The following SNTG1 variants were observed in gnomAD, a reference collection of about 807,000 sequenced individuals.
The protein encoded by SNTG1 is syntrophin gamma 1.
In SNTG1, 39 loss-of-function variants were observed where a neutral mutation model predicts 74.7. The ratio of observed to expected loss-of-function variants is 0.52; its 90% CI spans 0.40 to 0.68. The LOEUF is 0.68. Ranked by LOEUF, SNTG1 falls within the 30% of genes least tolerant of loss-of-function variation. The pLI is 0.00. For synonymous variants in SNTG1, 254 were observed against 217.1 expected (o/e 1.17, Z -1.49); for missense variants, 685 against 609.5 (o/e 1.12, Z -1.30).
intron 1 of SNTG1, among the ~76,000 whole-genome samples, chr8:50,076,101 G>A (rs203932): frequency 0.54 from 81,463 of 152,038 alleles, 24,375 homozygotes; most frequent in East Asian, 0.84. Flanking sequence ...ATCAAGCGAA[G>A]TGTAGTAAAA....
At chr8:50,548,226 A>G (rs2094401490) in intron 11 of SNTG1, among the ~76,000 whole-genome samples, 1 of 152,216 alleles carries the variant, frequency 6.6e-6, no homozygotes, top group Admixed American at 6.5e-5. Context: ...TGGAGGTCAC[A>G]GTGACAGGAA....
intron 1 of SNTG1, among the ~76,000 whole-genome samples, chr8:50,062,937 T>G (rs1439961143): frequency 6.6e-6 from 1 of 152,250 alleles, no homozygotes; most frequent in Non-Finnish European, 1.5e-5. Context: ...ATACAGAGAC[T>G]TGATTGACCA....
At chr8:49,927,885 A>AG (rs1373130936) in intron 1 of SNTG1, among the ~76,000 whole-genome samples, 1 of 151,998 alleles carries the variant, frequency 6.6e-6, no homozygotes, top group Non-Finnish European at 1.5e-5. Context: ...TGGGAGGCTG[A>AG]GGGGTCAGAT....
chr8:50,348,681 G>A (rs1177127101), intron 2 of SNTG1, among the ~76,000 whole-genome samples: 1 of 152,150 alleles, frequency 6.6e-6, no homozygotes, highest in Non-Finnish European at 1.5e-5. Flanking sequence ...TTAAAACCTT[G>A]CAAGCATATG....
chr8:50,289,431 G>A (rs1236745024), intron 2 of SNTG1, among the ~76,000 whole-genome samples: 1 of 152,100 alleles, frequency 6.6e-6, no homozygotes, highest in Non-Finnish European at 1.5e-5. Flanking sequence ...GGAAGCGTGG[G>A]GTCAGTGACT....
intron 2 of SNTG1, among the ~76,000 whole-genome samples, chr8:50,315,513 T>G (rs2090283072): frequency 6.7e-6 from 1 of 149,916 alleles, no homozygotes; most frequent in Non-Finnish European, 1.5e-5. Context: ...AATAAAATGT[T>G]AGATATAATG....
At chr8:50,568,458 T>A (rs2094528762) in intron 12 of SNTG1, among the ~76,000 whole-genome samples, 1 of 152,140 alleles carries the variant, frequency 6.6e-6, no homozygotes, top group South Asian at 2.1e-4. Flanking sequence ...ACCACTGGTG[T>A]GTGAGGGTTC....
chr8:50,572,352 T>C (rs1010167172), intron 12 of SNTG1, among the ~76,000 whole-genome samples: 4 of 152,006 alleles, frequency 2.6e-5, no homozygotes, highest in African/African-American at 9.7e-5. Context: ...ACTGAACATA[T>C]ACCCATAGAT....
chr8:50,311,865 CA>C (rs2090126921), intron 2 of SNTG1, among the ~76,000 whole-genome samples: 1 of 152,060 alleles, frequency 6.6e-6, no homozygotes, highest in Non-Finnish European at 1.5e-5. Context: ...CCAGGGTAAC[CA>C]AGTACTAGTC....
At chr8:50,100,506 G>C (rs1034447372) in intron 1 of SNTG1, among the ~76,000 whole-genome samples, 2 of 152,022 alleles carry the variant, frequency 1.3e-5, no homozygotes, top group Non-Finnish European at 2.9e-5. Context: ...TGCACTGTAT[G>C]TATCAAAACA....
At chr8:50,191,110 T>G (rs2131781325) in intron 2 of SNTG1, among the ~76,000 whole-genome samples, 1 of 152,248 alleles carries the variant, frequency 6.6e-6, no homozygotes, top group Admixed American at 6.6e-5. Context: ...TACGTAGCCT[T>G]CTGAAAGCTC....
chr8:50,323,600 C>T (rs1194582387), intron 2 of SNTG1, among the ~76,000 whole-genome samples: 1 of 152,136 alleles, frequency 6.6e-6, no homozygotes, highest in Non-Finnish European at 1.5e-5. Context: ...CAATTACCAG[C>T]CAGTGTCTTG....
chr8:50,541,779 T>C (rs1436227767), intron 11 of SNTG1, among the ~76,000 whole-genome samples: 3 of 151,994 alleles, frequency 2.0e-5, no homozygotes, highest in African/African-American at 7.2e-5. Context: ...CTATACTATA[T>C]ATTTGTGTTC....
intron 17 of SNTG1, among the ~76,000 whole-genome samples, chr8:50,712,668 C>A (rs568097183): frequency 1.3e-5 from 2 of 151,874 alleles, no homozygotes; most frequent in East Asian, 3.9e-4. Flanking sequence ...CCCCACCCCT[C>A]AACAGGCCCC....
chr8:50,777,779 GC>G (rs1473494208), intron 18 of SNTG1, among the ~76,000 whole-genome samples: 2 of 151,482 alleles, frequency 1.3e-5, no homozygotes, highest in African/African-American at 4.9e-5. Flanking sequence ...GTATACATGT[GC>G]CATGCTGCTG....
At chr8:50,372,789 T>C (rs2131162594) in intron 2 of SNTG1, among the ~76,000 whole-genome samples, 1 of 152,224 alleles carries the variant, frequency 6.6e-6, no homozygotes, top group South Asian at 2.1e-4. Context: ...TAGTTGTTTG[T>C]CTCTGTGGAG....
chr8:49,933,778 G>C (rs318874), intron 1 of SNTG1, among the ~76,000 whole-genome samples: 1 of 151,994 alleles, frequency 6.6e-6, no homozygotes, highest in Non-Finnish European at 1.5e-5. Flanking sequence ...AAAGAGATGG[G>C]TGTGAGCCCA....
chr8:50,676,496 C>G (rs1421294137), intron 15 of SNTG1, among the ~76,000 whole-genome samples: 1 of 151,978 alleles, frequency 6.6e-6, no homozygotes. Flanking sequence ...GTATGTTCTT[C>G]TCTAAACTGG....
At chr8:49,984,292 G>A (rs910898703) in intron 1 of SNTG1, among the ~76,000 whole-genome samples, 5 of 151,478 alleles carry the variant, frequency 3.3e-5, no homozygotes, top group Admixed American at 1.3e-4. Flanking sequence ...TGCATCTTCC[G>A]CCTCCCAGAT....
Sources: allele counts gnomAD v4.1 joint callset (sites outside exome capture counted in the v4.1 genomes callset), GRCh38; gene constraint gnomAD v4.1.1; transcripts MANE v1.5; gene names NCBI Gene and HGNC (gene_info 2026-07-23, HGNC 2026-07-21).